Variants in FCHSD1 observed in about 807,000 individuals in gnomAD.
FCHSD1 encodes FCH and double SH3 domains 1.
A neutral mutation model predicts 101.3 loss-of-function variants in FCHSD1; 109 were observed. The observed-to-expected ratio is 1.08, with a 90% CI of 0.92 to 1.26. FCHSD1 has a LOEUF of 1.26. FCHSD1 is among the 50% of genes most tolerant of loss of function. FCHSD1 has a pLI of 0.00. For synonymous variants in FCHSD1, 291 were observed against 356.8 expected, an observed-to-expected ratio of 0.82 and a Z score of 2.08; for missense variants, 820 against 895.8, an observed-to-expected ratio of 0.92 and a Z score of 1.08.
rs916769220 is a variant in FCHSD1 at position 141,651,382 on chromosome 5, A to G, written c.-14T>C. ...CGGCGGCTGCATCTCCGCTCCAGCA[A>G]GGCGGTCAGCCACTGGACTCCGGAA... On this transcript the variant is annotated 5_prime_UTR_variant, in exon 1 of 20. Coordinates refer to ENST00000435817, the MANE Select transcript of FCHSD1 (RefSeq NM_033449.3). 5.8e-6 allele frequency: 9 copies of G among 1,552,148 alleles called. No homozygotes were observed. Among genetic ancestry groups the G allele is most frequent in the Non-Finnish European group, 7.8e-6 (9 of 1,147,566 alleles).
chr5:141,651,154 A>AAGAGAGGAT, intron 1 of FCHSD1, 37 bp from the exon 2 acceptor site: 1 of 1,544,732 alleles, frequency 6.5e-7, no homozygotes, highest in Middle Eastern at 1.7e-4. Flanking sequence ...CCCCAGCGCA[A>AAGAGAGGAT]GGACCTAAAA....
At chr5:141,642,476 GACAA>G (rs1285663914) in intron 18 of FCHSD1, 3 of 647,824 alleles carry the variant, frequency 4.6e-6, no homozygotes, top group East Asian at 2.9e-5. Flanking sequence ...ATATCCATAT[GACAA>G]ACAAGCACAT....
At position 141,639,363 on chromosome 5, in the gene FCHSD1, G is replaced by A; in HGVS notation, c.*2135C>T. 1.1e-6 allele frequency: 1 copy of A among 938,016 alleles called. No homozygotes were observed. Among genetic ancestry groups the A allele is most frequent in the Middle Eastern group, 2.2e-4 (1 of 4,450 alleles). 58.1% of individuals were successfully genotyped at this position (938,016 alleles called of 1,614,324 possible). ...GAAAAAATGGGGCTTGGGGAAATTGGGGCTTCTGGGGTTTTAAGGAGCATG... is the reference window on the plus strand; with the variant it reads ...GAAAAAATGGGGCTTGGGGAAATTGAGGCTTCTGGGGTTTTAAGGAGCATG... On this transcript the variant is annotated 3_prime_UTR_variant, in exon 20 of 20. Transcript: ENST00000435817. The surrounding 1 kb of genome is among the most constrained non-coding windows in gnomAD (Gnocchi z 4.4).
intron 9 of FCHSD1, 58 bp from the exon 10 acceptor site, chr5:141,647,288 C>G (rs1476639833): frequency 4.5e-6 from 7 of 1,565,618 alleles, no homozygotes; most frequent in Non-Finnish European, 6.1e-6. Flanking sequence ...CAACCCTGTC[C>G]CTAGCACTTC....
At chr5:141,646,884 G>C (rs1028537593) in intron 10 of FCHSD1, among the ~76,000 whole-genome samples, 162 bp from the exon 11 acceptor site, 1 of 152,198 alleles carries the variant, frequency 6.6e-6, no homozygotes, top group Non-Finnish European at 1.5e-5. Context: ...GAGATACAGA[G>C]CTTCAGAAAT....
chr5:141,646,729 G>A lies in FCHSD1; in HGVS notation c.925-7C>T, dbSNP rs190796828. 1,012 of 1,611,346 alleles carry A rather than the reference G, an allele frequency of 6.3e-4. 6 individuals carry two copies. Among genetic ancestry groups the A allele is most frequent in the Middle Eastern group, 3.3e-4 (2 of 6,058 alleles). ...CCCACTCCAGGACACACACCTGAAT[G>A]GGTCAGGGGGTGCTGTGAGGAGGAC... is the stretch of plus-strand genomic sequence containing the variant. On this transcript the variant is annotated splice_region_variant and splice_polypyrimidine_tract_variant and intron_variant, in intron 10 of 19. Transcript: ENST00000435817.
At chr5:141,650,289 A>G (rs1050931503) in intron 3 of FCHSD1, 70 bp downstream of exon 3, 1 of 1,594,110 alleles carries the variant, frequency 6.3e-7, no homozygotes, top group African/African-American at 1.3e-5. Context: ...AGGGATAGGT[A>G]TGGACAGACA....
intron 8 of FCHSD1, 33 bp from the exon 9 acceptor site, chr5:141,647,553 T>C: frequency 6.2e-7 from 1 of 1,610,258 alleles, no homozygotes; most frequent in Non-Finnish European, 8.5e-7. Flanking sequence ...GACACCACCC[T>C]TCCCCCAGAC....
Position 141,644,916 on chromosome 5 carries a change from G to A in FCHSD1, c.1467C>T (p.Ile489=). ...TGACCTCCAGCCACTCACCCTCCGT[G>A]ATTGTCAGCTCATCCTCACGCCCTG... ...YQAGREDELT[I]TEGEWLEVIE... Residue 489 remains isoleucine (I), a synonymous_variant, in exon 15 of 20, where the codon ATC becomes ATT. Transcript: ENST00000435817. The A allele has an allele frequency of 6.2e-7, 1 of 1,613,912 alleles. No individual in the cohort carries two copies. The highest frequency in any genetic ancestry group is 1.3e-5 in the African/African-American group (1 of 75,026).
Position 141,640,024 on chromosome 5 carries a change from G to T in FCHSD1, c.*1474C>A, listed in dbSNP as rs2099906652. The T allele has an allele frequency of 6.2e-7, 1 of 1,613,390 alleles. No homozygotes were observed. Among genetic ancestry groups the T allele is most frequent in the African/African-American group, 1.3e-5 (1 of 74,922 alleles). The stretch of plus-strand genomic sequence containing the variant: ...TCTGGTGGGGGACAGGACCCAGGGG[G>T]TGGTCAGGGGTCTGGGGGAGGGCAG... On this transcript the variant is annotated 3_prime_UTR_variant, in exon 20 of 20. Coordinates refer to ENST00000435817, the MANE Select transcript of FCHSD1 (RefSeq NM_033449.3).
At position 141,639,923 on chromosome 5, in the gene FCHSD1, C is replaced by T; in HGVS notation, c.*1575G>A. On this transcript the variant is annotated 3_prime_UTR_variant, in exon 20 of 20. Coordinates refer to ENST00000435817, the MANE Select transcript of FCHSD1 (RefSeq NM_033449.3). This position sits in a 1 kb window ranked among gnomAD's most constrained non-coding sequence, Gnocchi z 4.4. ...CCAGTGTTCCCTCCCCTCCCAGGTT[C>T]CGGGTGACACACATTGAGAAGCGCT... 6.2e-7 allele frequency: 1 copy of T among 1,613,930 alleles called. No homozygotes were observed. The highest frequency in any genetic ancestry group is 8.5e-7 in the Non-Finnish European group (1 of 1,179,980).
chr5:141,644,070 G>T, intron 17 of FCHSD1, 148 bp downstream of exon 17: 1 of 764,264 alleles, frequency 1.3e-6, no homozygotes. Context: ...CCTTTTCCCT[G>T]CCCCCCCATA....
At chr5:141,642,074 G>C (rs2099906979) in intron 18 of FCHSD1, 1 of 518,086 alleles carries the variant, frequency 1.9e-6, no homozygotes, top group Non-Finnish European at 3.4e-6. Context: ...GTGAACTTGG[G>C]GTGGTGGAGA....
rs1319149564 is a variant in FCHSD1, at chr5:141,640,947, G to C, written c.*551C>G. On this transcript the variant is annotated 3_prime_UTR_variant, in exon 20 of 20. Transcript: ENST00000435817. ...CAGCTGGGAGCAGGCCCCTGCCCGTGGTGGGCCCCTAAAGCAATAGCACCG... is the reference window on the plus strand; with the variant it reads ...CAGCTGGGAGCAGGCCCCTGCCCGTCGTGGGCCCCTAAAGCAATAGCACCG... The C allele has an allele frequency of 2.6e-5, 13 of 507,236 alleles. No homozygotes were observed. The highest frequency in any genetic ancestry group is 9.6e-5 in the African/African-American group (5 of 52,154). 31.4% of individuals were successfully genotyped at this position (507,236 alleles called of 1,614,324 possible). A position where few individuals can be genotyped will look rare whatever the true frequency, so the allele number is the denominator to read the frequency against.
chr5:141,651,340 A>C lies in FCHSD1; in HGVS notation c.21+8T>G. On this transcript the variant is annotated splice_region_variant and intron_variant, in intron 1 of 19. Coordinates refer to ENST00000435817, the MANE Select transcript of FCHSD1 (RefSeq NM_033449.3). ...CCGCCAGGAGTCCCCATTCAGGGCC[A>C]AGCTCACTTTTCGGGGCGGCGGCTG... 1 of 1,554,098 alleles carries C rather than the reference A, an allele frequency of 6.4e-7. No individual in the cohort carries two copies. The highest frequency in any genetic ancestry group is 8.7e-7 in the Non-Finnish European group (1 of 1,148,412).
chr5:141,649,677 A>G lies in FCHSD1; in HGVS notation c.234-141T>C. 1 of 1,290,134 alleles carries G rather than the reference A, an allele frequency of 7.8e-7. No individual in the cohort carries two copies. The highest frequency in any genetic ancestry group is 1.0e-6 in the Non-Finnish European group (1 of 958,676). 79.9% of individuals were successfully genotyped at this position (1,290,134 alleles called of 1,614,324 possible). ...TTGTCTGGGAGCCCATCAATCGATCAGCCCATTAGCTCAGCCACAAGCCTC... is the reference window on the plus strand; with the variant it reads ...TTGTCTGGGAGCCCATCAATCGATCGGCCCATTAGCTCAGCCACAAGCCTC... On this transcript the variant is annotated intron_variant, in intron 4 of 19. Transcript: ENST00000435817. The surrounding 1 kb of genome is among the most constrained non-coding windows in gnomAD (Gnocchi z 4.1).
chr5:141,646,607 T>C lies in FCHSD1; in HGVS notation c.1040A>G (p.His347Arg). ...ARDYKIQNHGHRVLQRLEQRR... is the reference protein window; with the variant it reads ...ARDYKIQNHGRRVLQRLEQRR... ...ACCTGTGCCCCCCCACCTCACCCGATGCCCATGGTTCTGGATCTTGTAGTC... is the reference window on the plus strand; with the variant it reads ...ACCTGTGCCCCCCCACCTCACCCGACGCCCATGGTTCTGGATCTTGTAGTC... Residue 347 changes from histidine to arginine, a missense_variant, in exon 11 of 20, where the codon CAT becomes CGT. Coordinates refer to ENST00000435817, the MANE Select transcript of FCHSD1 (RefSeq NM_033449.3). 6.2e-7 allele frequency: 1 copy of C among 1,612,256 alleles called. No homozygotes were observed. Among genetic ancestry groups the C allele is most frequent in the Non-Finnish European group, 8.5e-7 (1 of 1,179,256 alleles).
chr5:141,644,134 C>A (rs1179636563), intron 17 of FCHSD1, 84 bp downstream of exon 17: 1 of 1,270,146 alleles, frequency 7.9e-7, no homozygotes. Flanking sequence ...GCAGAGGAGG[C>A]ATTAAGATGA....
chr5:141,641,377 G>T lies in FCHSD1; in HGVS notation c.*121C>A. 1 of 883,988 alleles carries T rather than the reference G, an allele frequency of 1.1e-6. No homozygotes were observed. Among genetic ancestry groups the T allele is most frequent in the South Asian group, 2.8e-5 (1 of 35,552 alleles). The allele number at this position is 883,988 out of a possible 1,614,324, so 54.8% of individuals were successfully genotyped here. The stretch of plus-strand genomic sequence containing the variant: ...GGGGCAAGTTTCCACCCTTGGAGGT[G>T]AGGGTGGAAATAAGGGCGATTCCAG... On this transcript the variant is annotated 3_prime_UTR_variant, in exon 20 of 20. Transcript: ENST00000435817.
Sources: gnomAD v4.1 joint callset for allele counts (sites outside exome capture counted in the v4.1 genomes callset) on GRCh38, gnomAD v4.1.1 for gene constraint, Gnocchi (gnomAD v3.1) non-coding constraint, MANE v1.5 for transcripts, NCBI Gene and HGNC (gene_info 2026-07-23, HGNC 2026-07-21) for gene names.